The following SEM1 variants were observed in gnomAD, a reference collection of about 807,000 sequenced individuals.
The protein encoded by SEM1 is 26S proteasome complex subunit SEM1.
Under a neutral mutation model 12.7 loss-of-function variants are expected in SEM1, and 3 were observed. The ratio of observed to expected loss-of-function variants is 0.24; its 90% CI spans 0.11 to 0.61. The LOEUF (loss-of-function observed/expected upper bound fraction) is 0.61. Among genes scored for constraint, SEM1 ranks in the 20% least tolerant of loss-of-function variants. The pLI is 0.88. For missense variants in SEM1, 59 were observed against 81.3 expected, an observed-to-expected ratio of 0.73 and a Z score of 1.06; for synonymous variants, 30 against 27.8, an observed-to-expected ratio of 1.08 and a Z score of -0.25.
At chr7:96,620,582 T>C (rs1807861541), downstream of SEM1, among the ~76,000 whole-genome samples, 1 of 152,168 alleles carries the variant, frequency 6.6e-6, no homozygotes, top group Non-Finnish European at 1.5e-5. Flanking sequence ...GCCCTGAGGT[T>C]TTCCCACACC....
intron 2 of SEM1, among the ~76,000 whole-genome samples, chr7:96,570,799 C>G (rs1395608623): frequency 6.6e-6 from 1 of 152,188 alleles, no homozygotes; most frequent in African/African-American, 2.4e-5. Context: ...AATGGTTGAA[C>G]TAATTTACAC....
chr7:96,503,471 A>G (rs1383504575), intron 3 of SEM1: 1 of 152,182 alleles, frequency 6.6e-6, no homozygotes, highest in Non-Finnish European at 1.5e-5. Flanking sequence ...GGATTAGTCT[A>G]GGAAAACTCA....
intron 2 of SEM1, among the ~76,000 whole-genome samples, chr7:96,599,522 T>C (rs147921781): frequency 6.6e-6 from 1 of 152,348 alleles, no homozygotes; most frequent in African/African-American, 2.4e-5. Flanking sequence ...GGTATCAGGT[T>C]GTATTACGTC....
At chr7:96,648,123 G>T (rs888539260) in intron 2 of SEM1, among the ~76,000 whole-genome samples, 6 of 152,116 alleles carry the variant, frequency 3.9e-5, no homozygotes, top group African/African-American at 1.4e-4. Flanking sequence ...GCAGTTATTT[G>T]TCTAAAGGGG....
chr7:96,685,282 C>G (rs944110121), downstream of SEM1, among the ~76,000 whole-genome samples: 1 of 151,938 alleles, frequency 6.6e-6, no homozygotes, highest in Non-Finnish European at 1.5e-5. Context: ...AAAATGCTGA[C>G]CATTATTACA....
chr7:96,516,963 G>A (rs1390435619), intron 2 of SEM1, among the ~76,000 whole-genome samples: 1 of 152,120 alleles, frequency 6.6e-6, no homozygotes, highest in Non-Finnish European at 1.5e-5. Flanking sequence ...AGTGAAAGAA[G>A]CCAATCTGAA....
intron 2 of SEM1, among the ~76,000 whole-genome samples, chr7:96,551,481 C>A (rs1048937746): frequency 6.6e-6 from 1 of 152,004 alleles, no homozygotes; most frequent in African/African-American, 2.4e-5. Context: ...TGGTGGATCA[C>A]TTGAGGTCAG....
downstream of SEM1, among the ~76,000 whole-genome samples, chr7:96,687,682 T>A (rs1789802508): frequency 6.6e-6 from 1 of 151,942 alleles, no homozygotes; most frequent in Admixed American, 6.6e-5. Flanking sequence ...TACCTAATGC[T>A]AAATGACGAG....
intron 1 of SEM1, among the ~76,000 whole-genome samples, chr7:96,707,499 C>A (rs890639169): frequency 1.3e-5 from 2 of 152,146 alleles, no homozygotes; most frequent in African/African-American, 4.8e-5. Context: ...TGGAAAGTTT[C>A]CTGAATGAAT....
At chr7:96,495,506 A>C (rs1163559133) in intron 1 of SEM1, among the ~76,000 whole-genome samples, 1 of 152,144 alleles carries the variant, frequency 6.6e-6, no homozygotes, top group African/African-American at 2.4e-5. Context: ...GAAAGTTAAA[A>C]TTTAAAAATA....
In SEM1 at chr7:96,587,653, G is replaced by GTT. The variant is rs35341659; in HGVS notation, c.171-80957_171-80956dup. ...ACTGCATTACGATTAAGACTTTCTT[G>GTT]TTTTTTTTTTTTCCCCAGGAAAATG... On this transcript the variant is annotated intron_variant and NMD_transcript_variant, in intron 2 of 3. Transcript: ENST00000466986. Among the ~76,000 whole-genome samples, 522 of 134,238 alleles carry GTT rather than the reference G, an allele frequency of 3.9e-3. 4 individuals carry two copies. The South Asian group carries it at 0.043, about 11-fold the overall frequency. The allele number at this position is 134,238 out of a possible 152,430, so 88.1% of individuals were successfully genotyped here.
intron 2 of SEM1, among the ~76,000 whole-genome samples, chr7:96,615,406 C>G (rs1807683935): frequency 6.6e-6 from 1 of 151,998 alleles, no homozygotes; most frequent in Non-Finnish European, 1.5e-5. Context: ...AGGCGCCTAC[C>G]ACCATGCCTG....
chr7:96,588,120 G>C (rs1343108001), intron 2 of SEM1, among the ~76,000 whole-genome samples: 1 of 152,130 alleles, frequency 6.6e-6, no homozygotes, highest in Non-Finnish European at 1.5e-5. Context: ...TATAATCCCA[G>C]AACTTTTGGA....
At chr7:96,674,834 A>G (rs956113862) in intron 2 of SEM1, among the ~76,000 whole-genome samples, 3 of 152,008 alleles carry the variant, frequency 2.0e-5, no homozygotes, top group East Asian at 3.9e-4. Context: ...AATCACATCT[A>G]AGAGAAAAAT....
At chr7:96,483,643 A>G in exon 4 of SEM1, 1 of 556,434 alleles carries the variant, frequency 1.8e-6, no homozygotes, top group African/African-American at 1.9e-5. Flanking sequence ...AGAGGGAAAG[A>G]GCACTAGAAT....
At chr7:96,516,527 G>A (rs1804100316) in intron 2 of SEM1, among the ~76,000 whole-genome samples, 1 of 152,082 alleles carries the variant, frequency 6.6e-6, no homozygotes, top group Non-Finnish European at 1.5e-5. Context: ...TAAAACAACA[G>A]TAGGATACTA....
chr7:96,585,450 G>T (rs1806587568), intron 2 of SEM1, among the ~76,000 whole-genome samples: 1 of 137,510 alleles, frequency 7.3e-6, no homozygotes, highest in South Asian at 2.2e-4. Context: ...CAGAGGTGGA[G>T]CCTACAGAGG....
intron 2 of SEM1, among the ~76,000 whole-genome samples, chr7:96,655,413 T>C (rs1809145277): frequency 6.6e-6 from 1 of 151,988 alleles, no homozygotes; most frequent in Non-Finnish European, 1.5e-5. Flanking sequence ...TCTACTAAAG[T>C]ATATTTGACA....
chr7:96,585,796 G>A (rs147164427), intron 2 of SEM1, among the ~76,000 whole-genome samples: 5,266 of 152,146 alleles, frequency 0.035, 188 homozygotes, highest in African/African-American at 0.095. Flanking sequence ...TGCGCTTCCC[G>A]AGTGAGGCAA....
Sources: allele counts gnomAD v4.1 joint callset (sites outside exome capture counted in the v4.1 genomes callset), GRCh38; gene constraint gnomAD v4.1.1; transcripts MANE v1.5; gene names NCBI Gene and HGNC (gene_info 2026-07-23, HGNC 2026-07-21).